The following ZNF227 variants were observed in gnomAD, a reference collection of about 807,000 sequenced individuals.
The protein encoded by ZNF227 is zinc finger protein 227.
Under a neutral mutation model 13.2 loss-of-function variants are expected in ZNF227, and 12 were observed. That is an observed-to-expected ratio of 0.91 (90% confidence interval 0.58 to 1.47). The LOEUF (loss-of-function observed/expected upper bound fraction) is 1.47. ZNF227 is among the 40% of genes most tolerant of loss of function. ZNF227 has a pLI of 0.00. For missense variants in ZNF227, 885 were observed against 967.5 expected, an observed-to-expected ratio of 0.91 and a Z score of 1.13; for synonymous variants, 338 against 326.0, an observed-to-expected ratio of 1.04 and a Z score of -0.40.
chr19:44,232,843 T>C (rs1973986761), intron 5 of ZNF227, among the ~76,000 whole-genome samples: 1 of 151,956 alleles, frequency 6.6e-6, no homozygotes, highest in Non-Finnish European at 1.5e-5. Flanking sequence ...TTTTTTTAGT[T>C]TTTTAGCGGA....
At position 44,232,824 on chromosome 19, in the gene ZNF227, G is replaced by A. The variant is rs1314965638; in HGVS notation, c.272-1878G>A. On this transcript the variant is annotated intron_variant, in intron 5 of 5. Coordinates refer to ENST00000313040, the MANE Select transcript of ZNF227 (RefSeq NM_182490.3). The stretch of plus-strand genomic sequence containing the variant: ...CTTACAGGTGCCTGCCACCATGCCA[G>A]GCTAATTGTTTTTTTAGTTTTTTAG... Among the ~76,000 whole-genome samples the A allele has an allele frequency of 1.3e-5, 2 of 152,038 alleles. 1 individual carries two copies. Among genetic ancestry groups the A allele is most frequent in the Non-Finnish European group, 2.9e-5 (2 of 67,958 alleles).
At position 44,221,378 on chromosome 19, in the gene ZNF227, G is replaced by A. The variant is rs572956059; in HGVS notation, c.60+3526G>A. 9.2e-5 allele frequency among the ~76,000 whole-genome samples: 14 copies of A among 152,270 alleles called. No individual in the cohort carries two copies. The East Asian group carries it at 2.7e-3, about 29-fold the overall frequency. On this transcript the variant is annotated intron_variant, in intron 3 of 5. Coordinates refer to ENST00000313040, the MANE Select transcript of ZNF227 (RefSeq NM_182490.3). The stretch of plus-strand genomic sequence containing the variant: ...GTTGAACTAGTTTACAGTCGCACCA[G>A]CAGTGTAAAAGTGTTCCTGTTTCTC...
chr19:44,235,657 A>G lies in ZNF227; in HGVS notation c.1227A>G (p.Lys409=), dbSNP rs1974380808. ...QRVHRGEKPY[K]CEECGKGFTQ... The stretch of plus-strand genomic sequence containing the variant: ...TCCACAGGGGTGAGAAGCCCTATAA[A>G]TGTGAGGAATGTGGTAAGGGCTTCA... The change falls in exon 6 of 6, where the codon AAA becomes AAG. Residue 409 remains lysine (K), a synonymous_variant. Transcript: ENST00000313040. The G allele has an allele frequency of 6.2e-7, 1 of 1,613,762 alleles. No individual in the cohort carries two copies.
chr19:44,223,632 G>A (rs1302821890), intron 3 of ZNF227, among the ~76,000 whole-genome samples: 2 of 152,078 alleles, frequency 1.3e-5, no homozygotes, highest in Non-Finnish European at 2.9e-5. Context: ...ATTTTTTATT[G>A]GGTCTATTTG....
At chr19:44,228,957 C>G (rs1973489580) in intron 4 of ZNF227, 4 of 281,548 alleles carry the variant, frequency 1.4e-5, no homozygotes, top group African/African-American at 2.2e-5. Context: ...GCTGCAGTTG[C>G]AAAACCCTGT....
intron 3 of ZNF227, among the ~76,000 whole-genome samples, chr19:44,221,156 C>T (rs1026072951): frequency 2.6e-5 from 4 of 152,098 alleles, no homozygotes; most frequent in African/African-American, 4.8e-5. Context: ...ATTTATAATC[C>T]GTTGGGTATA....
chr19:44,214,811 G>C (rs1051362104), intron 2 of ZNF227, among the ~76,000 whole-genome samples: 10 of 147,788 alleles, frequency 6.8e-5, no homozygotes, highest in Admixed American at 5.4e-4. Context: ...TTTTAAATTA[G>C]AGTGTCTTAA....
At chr19:44,226,389 G>A (rs1437818324) in intron 3 of ZNF227, among the ~76,000 whole-genome samples, 2 of 152,256 alleles carry the variant, frequency 1.3e-5, no homozygotes, top group Non-Finnish European at 2.9e-5. Flanking sequence ...GGAGCCTACA[G>A]AGGCAGGCAG....
At chr19:44,232,891 G>A (rs1418623407) in intron 5 of ZNF227, among the ~76,000 whole-genome samples, 22 of 151,916 alleles carry the variant, frequency 1.4e-4, no homozygotes, top group Admixed American at 1.4e-3. Context: ...GGCTGGTCTC[G>A]AACTCCTGAC....
At position 44,234,750 on chromosome 19, in the gene ZNF227, A is replaced by G; in HGVS notation, c.320A>G (p.Lys107Arg). 6.2e-7 allele frequency: 1 copy of G among 1,604,422 alleles called. No homozygotes were observed. The highest frequency in any genetic ancestry group is 8.5e-7 in the Non-Finnish European group (1 of 1,177,672). ...KMETLQKFAL[K>R]YLSNQELSCW... ...GAAACACTCCAAAAATTTGCATTAA[A>G]ATACCTTTCAAATCAAGAGCTGTCC... is the stretch of plus-strand genomic sequence containing the variant. The change falls in exon 6 of 6, where the codon AAA becomes AGA. Residue 107 changes from lysine to arginine, a missense_variant. Lys to Arg is a conservative substitution (Grantham distance 26). Coordinates refer to ENST00000313040, the MANE Select transcript of ZNF227 (RefSeq NM_182490.3).
At chr19:44,211,491 A>G (rs954259334), upstream of ZNF227, among the ~76,000 whole-genome samples, 8 of 152,228 alleles carry the variant, frequency 5.3e-5, no homozygotes, top group Admixed American at 3.3e-4. Context: ...AAGCAAATAA[A>G]GATCAAGGTT....
chr19:44,210,071 T>C (rs1262020561), upstream of ZNF227, among the ~76,000 whole-genome samples: 4 of 152,228 alleles, frequency 2.6e-5, no homozygotes, highest in African/African-American at 9.6e-5. Context: ...ATCATTTAGA[T>C]TGTATTCAGA....
chr19:44,211,886 T>A (rs919947115), upstream of ZNF227, among the ~76,000 whole-genome samples: 1 of 143,896 alleles, frequency 6.9e-6, no homozygotes, highest in Non-Finnish European at 1.5e-5. Context: ...TTTCTTATAA[T>A]AGTTTTTTTT....
At chr19:44,210,965 G>A (rs1015562744), upstream of ZNF227, among the ~76,000 whole-genome samples, 3 of 152,112 alleles carry the variant, frequency 2.0e-5, no homozygotes, top group East Asian at 5.8e-4. Context: ...AGGCCGGGGC[G>A]GGTGGATCAC....
chr19:44,209,657 G>C (rs1402813025), upstream of ZNF227, among the ~76,000 whole-genome samples: 3 of 152,058 alleles, frequency 2.0e-5, no homozygotes, highest in Non-Finnish European at 4.4e-5. Flanking sequence ...CGCGATCTCG[G>C]CTCACTGCAA....
In ZNF227 at chr19:44,236,959, T is replaced by C. The variant is rs942995329; in HGVS notation, c.*129T>C. 4 of 704,260 alleles carry C rather than the reference T, an allele frequency of 5.7e-6. No individual in the cohort carries two copies. In the African/African-American group the frequency reaches 7.2e-5, roughly 13 times the overall value. The allele number at this position is 704,260 out of a possible 1,614,324, so 43.6% of individuals were successfully genotyped here. A position where few individuals can be genotyped will look rare whatever the true frequency, so the allele number is the denominator to read the frequency against. ...GGTTTGTTCACACTTGGAATCTTTCTAACAAATCCATCAAGATGATAACAC... is the reference window on the plus strand; with the variant it reads ...GGTTTGTTCACACTTGGAATCTTTCCAACAAATCCATCAAGATGATAACAC... On this transcript the variant is annotated 3_prime_UTR_variant, in exon 6 of 6. Transcript: ENST00000313040.
upstream of ZNF227, chr19:44,207,847 T>G (rs1385652975): frequency 6.6e-6 from 1 of 152,342 alleles, no homozygotes; most frequent in African/African-American, 2.4e-5. Context: ...TCCCACCTAC[T>G]TGCCAGCTCT....
At position 44,236,946 on chromosome 19, in the gene ZNF227, C is replaced by A; in HGVS notation, c.*116C>A. The stretch of plus-strand genomic sequence containing the variant: ...GAGAGTGGAAGGGGGTTTGTTCACA[C>A]TTGGAATCTTTCTAACAAATCCATC... On this transcript the variant is annotated 3_prime_UTR_variant, in exon 6 of 6. Transcript: ENST00000313040. 1 of 768,668 alleles carries A rather than the reference C, an allele frequency of 1.3e-6. No homozygotes were observed. The highest frequency in any genetic ancestry group is 2.0e-6 in the Non-Finnish European group (1 of 492,524). 47.6% of individuals were successfully genotyped at this position (768,668 alleles called of 1,614,324 possible).
At position 44,235,534 on chromosome 19, in the gene ZNF227, G is replaced by T. The variant is rs148445181; in HGVS notation, c.1104G>T (p.Gln368His). Residue 368 changes from glutamine to histidine, a missense_variant, in exon 6 of 6, where the codon CAG becomes CAT. Physicochemically the swap from Gln to His is conservative, Grantham distance 24. Transcript: ENST00000313040. ...GKCFSQSSNF[Q>H]CHQRVHTEEK... is the part of the protein sequence containing the mutation. ...GCTTTAGTCAAAGTTCAAATTTTCAGTGCCATCAGAGAGTCCACACTGAAG... is the reference window on the plus strand; with the variant it reads ...GCTTTAGTCAAAGTTCAAATTTTCATTGCCATCAGAGAGTCCACACTGAAG... 1 of 1,614,094 alleles carries T rather than the reference G, an allele frequency of 6.2e-7. No individual in the cohort carries two copies. The highest frequency in any genetic ancestry group is 1.7e-5 in the Admixed American group (1 of 60,006).
Sources: gnomAD v4.1 joint callset for allele counts (sites outside exome capture counted in the v4.1 genomes callset) on GRCh38, gnomAD v4.1.1 for gene constraint, MANE v1.5 for transcripts, NCBI Gene and HGNC (gene_info 2026-07-23, HGNC 2026-07-21) for gene names.